Variants in ZSWIM5 observed in about 807,000 individuals in gnomAD.
ZSWIM5 encodes zinc finger SWIM domain-containing protein 5.
ZSWIM5 carries 55 observed loss-of-function variants against 119.6 expected under a neutral mutation model. That is an observed-to-expected ratio of 0.46 (90% confidence interval 0.37 to 0.58). ZSWIM5 has a LOEUF of 0.58. Ranked by LOEUF, ZSWIM5 falls within the 20% of genes least tolerant of loss-of-function variation. ZSWIM5 has a pLI of 0.00. For missense variants in ZSWIM5, 1,193 were observed against 1,512.8 expected (o/e 0.79, Z 3.51); for synonymous variants, 537 against 606.9 (o/e 0.88, Z 1.69).
At chr1:45,050,055 T>C (rs1645080414) in intron 5 of ZSWIM5, among the ~76,000 whole-genome samples, 3 of 152,004 alleles carry the variant, frequency 2.0e-5, no homozygotes, top group African/African-American at 7.2e-5. Context: ...AATAGAGTTA[T>C]TTGAAATAAA....
intron 1 of ZSWIM5, among the ~76,000 whole-genome samples, chr1:45,191,850 A>G (rs1055834148): frequency 2.0e-5 from 3 of 152,158 alleles, no homozygotes; most frequent in Non-Finnish European, 4.4e-5. Flanking sequence ...TGATAGCTTT[A>G]TTATATAATT....
chr1:45,019,983 G>T lies in ZSWIM5; in HGVS notation c.2695+83C>A. The T allele has an allele frequency of 8.5e-7, 1 of 1,176,968 alleles. No homozygotes were observed. 72.9% of individuals were successfully genotyped at this position (1,176,968 alleles called of 1,614,324 possible). On this transcript the variant is annotated intron_variant, in intron 13 of 13. Coordinates refer to ENST00000359600, the MANE Select transcript of ZSWIM5 (RefSeq NM_020883.2). This position sits in a 1 kb window ranked among gnomAD's most constrained non-coding sequence, Gnocchi z 5.0. ...CCTAAGATCTCATAGGAATATGAGA[G>T]CTCTAAGGATTGATTGTCCTGTCCC...
intron 1 of ZSWIM5, among the ~76,000 whole-genome samples, chr1:45,143,378 AAC>A (rs1219790061): frequency 6.6e-6 from 1 of 152,174 alleles, no homozygotes; most frequent in East Asian, 1.9e-4. Context: ...CCACCATATT[AAC>A]AGTCTAAAGA....
intron 2 of ZSWIM5, among the ~76,000 whole-genome samples, chr1:45,084,591 C>T (rs1645313775): frequency 6.6e-6 from 1 of 152,180 alleles, no homozygotes; most frequent in African/African-American, 2.4e-5. Flanking sequence ...GAAGTATAGG[C>T]ATTGGGTAAA....
chr1:45,174,845 T>TG (rs1645969970), intron 1 of ZSWIM5, among the ~76,000 whole-genome samples: 1 of 152,164 alleles, frequency 6.6e-6, no homozygotes, highest in Non-Finnish European at 1.5e-5. Context: ...AATGAGTTAT[T>TG]GGAGAGTAAG....
At chr1:45,034,270 G>A in intron 11 of ZSWIM5, 42 bp downstream of exon 11, 1 of 1,532,616 alleles carries the variant, frequency 6.5e-7, no homozygotes, top group Non-Finnish European at 8.8e-7. Flanking sequence ...GGTTGGGCAG[G>A]CAGACGGGTG....
intron 1 of ZSWIM5, among the ~76,000 whole-genome samples, chr1:45,161,534 T>C (rs1158706106): frequency 6.6e-6 from 1 of 152,174 alleles, no homozygotes; most frequent in Non-Finnish European, 1.5e-5. Context: ...AAAATATGTG[T>C]TCTCTTGATT....
intron 2 of ZSWIM5, among the ~76,000 whole-genome samples, chr1:45,083,600 C>T (rs746330521): frequency 1.3e-5 from 2 of 152,150 alleles, no homozygotes; most frequent in African/African-American, 4.8e-5. Context: ...CTCTGTTGAA[C>T]AACTGGGAAA....
chr1:45,106,308 C>T (rs576445624), intron 1 of ZSWIM5, among the ~76,000 whole-genome samples: 3 of 142,184 alleles, frequency 2.1e-5, no homozygotes, highest in African/African-American at 7.9e-5. Context: ...CCTGGCCGCC[C>T]ATCGTCTGGG....
At chr1:45,043,928 A>G (rs183690792) in intron 5 of ZSWIM5, among the ~76,000 whole-genome samples, 46 of 152,188 alleles carry the variant, frequency 3.0e-4, no homozygotes, top group Non-Finnish European at 5.1e-4. Context: ...TCCTGCCTGT[A>G]ATCCCAGAAC....
chr1:45,093,009 AC>A (rs1189284680), intron 1 of ZSWIM5, among the ~76,000 whole-genome samples: 1 of 152,166 alleles, frequency 6.6e-6, no homozygotes, highest in Non-Finnish European at 1.5e-5. Flanking sequence ...GATTACTATT[AC>A]TACTCCCATA....
At chr1:45,147,260 G>C (rs1232496699) in intron 1 of ZSWIM5, among the ~76,000 whole-genome samples, 2 of 151,560 alleles carry the variant, frequency 1.3e-5, no homozygotes, top group African/African-American at 2.4e-5. Context: ...ACTTTTAAAA[G>C]GGCTAAACAT....
chr1:45,113,731 C>T (rs536086947), intron 1 of ZSWIM5, among the ~76,000 whole-genome samples: 260 of 152,252 alleles, frequency 1.7e-3, no homozygotes, highest in South Asian at 6.8e-3. Flanking sequence ...AAAAGAATAA[C>T]TCCAAAAATC....
intron 1 of ZSWIM5, among the ~76,000 whole-genome samples, chr1:45,098,419 A>G (rs1645417475): frequency 6.6e-6 from 1 of 152,146 alleles, no homozygotes; most frequent in Non-Finnish European, 1.5e-5. Context: ...GGGTTAACTA[A>G]TCTTCCTGCC....
chr1:45,199,992 T>C (rs1460371259), intron 1 of ZSWIM5, among the ~76,000 whole-genome samples: 1 of 152,226 alleles, frequency 6.6e-6, no homozygotes, highest in African/African-American at 2.4e-5. Context: ...ATCTATGTAA[T>C]GCTTTAAAAA....
At position 45,019,825 on chromosome 1, in the gene ZSWIM5, T is replaced by TCTG. The variant is rs1644876115; in HGVS notation, c.2695+238_2695+240dup. Among the ~76,000 whole-genome samples the TCTG allele has an allele frequency of 6.6e-6, 1 of 152,138 alleles. No individual in the cohort carries two copies. Among genetic ancestry groups the TCTG allele is most frequent in the African/African-American group, 2.4e-5 (1 of 41,428 alleles). ...GAAAATTCATTCTCTTAGACATGTCTCTGTTGAGAGGATCAAGGGCTGCTG... is the reference window on the plus strand; with the variant it reads ...GAAAATTCATTCTCTTAGACATGTCTCTGCTGTTGAGAGGATCAAGGGCTGCTG... On this transcript the variant is annotated intron_variant, in intron 13 of 13. Transcript: ENST00000359600. The surrounding 1 kb of genome is among the most constrained non-coding windows in gnomAD (Gnocchi z 5.0).
chr1:45,155,028 G>C (rs1213996467), intron 1 of ZSWIM5, among the ~76,000 whole-genome samples: 1 of 151,998 alleles, frequency 6.6e-6, no homozygotes, highest in African/African-American at 2.4e-5. Context: ...CAAAAACAAA[G>C]ATAAATAGGT....
Position 45,038,919 on chromosome 1 carries a change from C to T in ZSWIM5, c.1894+17G>A. On this transcript the variant is annotated intron_variant, in intron 8 of 13. Coordinates refer to ENST00000359600, the MANE Select transcript of ZSWIM5 (RefSeq NM_020883.2). ...CAACAAGGGCAGTCTTGGTTTGCCT[C>T]AGGCTGACCCCTGTACCTGACATCT... 6.2e-7 allele frequency: 1 copy of T among 1,612,518 alleles called. No homozygotes were observed. Among genetic ancestry groups the T allele is most frequent in the Non-Finnish European group, 8.5e-7 (1 of 1,179,788 alleles).
At chr1:45,143,970 A>C (rs560554657) in intron 1 of ZSWIM5, among the ~76,000 whole-genome samples, 1 of 152,306 alleles carries the variant, frequency 6.6e-6, no homozygotes, top group East Asian at 1.9e-4. Flanking sequence ...GAAAACTATA[A>C]AACAGTGATG....
Sources: allele counts gnomAD v4.1 joint callset (sites outside exome capture counted in the v4.1 genomes callset), GRCh38; gene constraint gnomAD v4.1.1; non-coding constraint Gnocchi (gnomAD v3.1); transcripts MANE v1.5; gene names NCBI Gene and HGNC (gene_info 2026-07-23, HGNC 2026-07-21).